VAPB: variants seen among roughly 807,000 people sequenced by gnomAD.
The protein encoded by VAPB is vesicle-associated membrane protein-associated protein B/C.
A neutral mutation model predicts 25.6 loss-of-function variants in VAPB; 7 were observed. The ratio of observed to expected loss-of-function variants is 0.27; its 90% CI spans 0.16 to 0.51. VAPB has a LOEUF of 0.51. VAPB is among the 20% of genes least tolerant of loss of function. The pLI, the probability that VAPB is intolerant of heterozygous loss-of-function variation, is 0.97. For synonymous variants in VAPB, 112 were observed against 109.2 expected, an observed-to-expected ratio of 1.03 and a Z score of -0.16; for missense variants, 266 against 301.3, an observed-to-expected ratio of 0.88 and a Z score of 0.87.
chr20:58,409,132 G>A (rs1988310994), intron 1 of VAPB, among the ~76,000 whole-genome samples: 2 of 152,132 alleles, frequency 1.3e-5, no homozygotes, highest in African/African-American at 2.4e-5. Context: ...ATATTATTGA[G>A]CATCTGTTCT....
In VAPB at chr20:58,449,067, C is replaced by T. The variant is rs1485129326; in HGVS notation, c.*4832C>T. On this transcript the variant is annotated 3_prime_UTR_variant, in exon 6 of 6. Coordinates refer to ENST00000475243, the MANE Select transcript of VAPB (RefSeq NM_004738.5). ...GCACTGCGGTTCTCCAGGATATCAG[C>T]AAAGAGGGCAAGTAATAGAAGCCCC... 2 of 454,008 alleles carry T rather than the reference C, an allele frequency of 4.4e-6. No individual in the cohort carries two copies. Among genetic ancestry groups the T allele is most frequent in the African/African-American group, 4.0e-5 (2 of 50,004 alleles). 28.1% of individuals were successfully genotyped at this position (454,008 alleles called of 1,614,324 possible). A position where few individuals can be genotyped will look rare whatever the true frequency, so the allele number is the denominator to read the frequency against.
Position 58,389,281 on chromosome 20 carries a change from G to A in VAPB, c.-179G>A, listed in dbSNP as rs1431331525. 2 of 717,452 alleles carry A rather than the reference G, an allele frequency of 2.8e-6. No individual in the cohort carries two copies. 44.4% of individuals were successfully genotyped at this position (717,452 alleles called of 1,614,324 possible). A position where few individuals can be genotyped will look rare whatever the true frequency, so the allele number is the denominator to read the frequency against. ...GGCCTCGCCCTCGCCCTCCGCCCCTGCGCCTGCACCGCGTAGACCGACCCC... is the reference window on the plus strand; with the variant it reads ...GGCCTCGCCCTCGCCCTCCGCCCCTACGCCTGCACCGCGTAGACCGACCCC... On this transcript the variant is annotated 5_prime_UTR_variant, in exon 1 of 6. Transcript: ENST00000475243.
intron 1 of VAPB, among the ~76,000 whole-genome samples, chr20:58,402,265 A>T (rs144730772): frequency 1.3e-5 from 2 of 152,090 alleles, no homozygotes; most frequent in African/African-American, 4.8e-5. Context: ...CTCCTTGGCC[A>T]TGGGGCTTTG....
At chr20:58,419,959 G>A (rs1316918335) in intron 2 of VAPB, among the ~76,000 whole-genome samples, 1 of 152,038 alleles carries the variant, frequency 6.6e-6, no homozygotes, top group Non-Finnish European at 1.5e-5. Context: ...ATATAAATAT[G>A]TATGGGTGGG....
At chr20:58,394,600 C>T (rs542932099) in intron 1 of VAPB, among the ~76,000 whole-genome samples, 1 of 152,328 alleles carries the variant, frequency 6.6e-6, no homozygotes, top group East Asian at 1.9e-4. Context: ...ATTAAACTTA[C>T]TAAACTTGAG....
At chr20:58,414,282 C>T (rs1235106649) in intron 1 of VAPB, among the ~76,000 whole-genome samples, 1 of 147,534 alleles carries the variant, frequency 6.8e-6, no homozygotes. Flanking sequence ...GCTGACCCCC[C>T]CACCTCCCTC....
intron 1 of VAPB, among the ~76,000 whole-genome samples, chr20:58,413,363 C>T (rs1193136386): frequency 6.6e-6 from 1 of 151,814 alleles, no homozygotes; most frequent in Non-Finnish European, 1.5e-5. Flanking sequence ...AACGAGCATG[C>T]TGCCTTCAAG....
In VAPB at chr20:58,448,653, C is replaced by G. The variant is rs774417253; in HGVS notation, c.*4418C>G. On this transcript the variant is annotated 3_prime_UTR_variant, in exon 6 of 6. Transcript: ENST00000475243. ...GCCTTCCTGCCTCAGCTACTCTGCC[C>G]GTCTGTACATCTTTTGTGTCTGCCT... The G allele has an allele frequency of 4.4e-6, 2 of 453,870 alleles. No homozygotes were observed. The highest frequency in any genetic ancestry group is 6.9e-5 in the East Asian group (1 of 14,400). The allele number at this position is 453,870 out of a possible 1,614,324, so 28.1% of individuals were successfully genotyped here. A position where few individuals can be genotyped will look rare whatever the true frequency, so the allele number is the denominator to read the frequency against.
intron 1 of VAPB, among the ~76,000 whole-genome samples, chr20:58,403,126 C>G (rs1467364014): frequency 6.6e-6 from 1 of 152,194 alleles, no homozygotes; most frequent in Non-Finnish European, 1.5e-5. Flanking sequence ...AGACACAGTG[C>G]ATTTTGCTCA....
In VAPB at chr20:58,408,969, A is replaced by G. The variant is rs1450681749; in HGVS notation, c.59-9242A>G. Among the ~76,000 whole-genome samples, 5 of 146,740 alleles carry G rather than the reference A, an allele frequency of 3.4e-5. No individual in the cohort carries two copies. The Admixed American group carries it at 3.4e-4, about 10-fold the overall frequency. On this transcript the variant is annotated intron_variant, in intron 1 of 5. Transcript: ENST00000475243. ...CAAAATATGTCCTATGCAGAAGATG[A>G]AAAGGGTGTAATGCTGGAACAGGAG...
intron 1 of VAPB, among the ~76,000 whole-genome samples, chr20:58,392,600 T>G (rs2123012358): frequency 6.6e-6 from 1 of 152,214 alleles, no homozygotes; most frequent in East Asian, 1.9e-4. Context: ...AATGGCACAT[T>G]TAACTGGTTT....
intron 2 of VAPB, among the ~76,000 whole-genome samples, chr20:58,429,951 A>G (rs528560502): frequency 3.5e-5 from 5 of 142,302 alleles, no homozygotes; most frequent in African/African-American, 1.0e-4. Flanking sequence ...ACAGGCACCT[A>G]TAGTCCTAGC....
chr20:58,436,013 G>A lies in VAPB; in HGVS notation c.315+1308G>A, dbSNP rs150354039. On this transcript the variant is annotated intron_variant, in intron 3 of 5. Transcript: ENST00000475243. ...GTTTTATTAACTCTGTTGAGGTTTT[G>A]ATCATTTGTAAAATAGGGATAAAAA... 4.0e-4 allele frequency among the ~76,000 whole-genome samples: 61 copies of A among 152,208 alleles called. No homozygotes were observed. In the East Asian group the frequency reaches 0.012, roughly 29 times the overall value.
intron 5 of VAPB, among the ~76,000 whole-genome samples, chr20:58,442,530 C>T (rs1195771546): frequency 6.6e-6 from 1 of 152,132 alleles, no homozygotes; most frequent in Non-Finnish European, 1.5e-5. Context: ...GCCCCATGAG[C>T]AGAATATCCT....
intron 1 of VAPB, among the ~76,000 whole-genome samples, chr20:58,406,055 T>C (rs1036392799): frequency 6.6e-6 from 1 of 152,094 alleles, no homozygotes; most frequent in Non-Finnish European, 1.5e-5. Context: ...TTTACTGAGA[T>C]GAGAAGCATT....
intron 1 of VAPB, among the ~76,000 whole-genome samples, chr20:58,405,739 A>G (rs1365811370): frequency 1.4e-3 from 99 of 69,036 alleles, no homozygotes; most frequent in East Asian, 2.2e-3. Context: ...CCTGGCCAGG[A>G]GCCTTTTTTT....
intron 1 of VAPB, among the ~76,000 whole-genome samples, chr20:58,407,262 T>G (rs1235176143): frequency 6.6e-6 from 1 of 152,202 alleles, no homozygotes; most frequent in Non-Finnish European, 1.5e-5. Context: ...TTTGTCAGAA[T>G]TGTACACATG....
rs1044105978 is a variant in VAPB at position 58,448,130 on chromosome 20, G to A, written c.*3895G>A. The A allele has an allele frequency of 2.2e-6, 1 of 453,922 alleles. No homozygotes were observed. Among genetic ancestry groups the A allele is most frequent in the Non-Finnish European group, 4.4e-6 (1 of 226,788 alleles). 28.1% of individuals were successfully genotyped at this position (453,922 alleles called of 1,614,324 possible). A position where few individuals can be genotyped will look rare whatever the true frequency, so the allele number is the denominator to read the frequency against. On this transcript the variant is annotated 3_prime_UTR_variant, in exon 6 of 6. Transcript: ENST00000475243. ...GGCCATGTTTGCTGTTGTTGAGAAGGAGTGTTCTCAAAGATGAGCTGGAAT... is the reference window on the plus strand; with the variant it reads ...GGCCATGTTTGCTGTTGTTGAGAAGAAGTGTTCTCAAAGATGAGCTGGAAT...
intron 1 of VAPB, among the ~76,000 whole-genome samples, chr20:58,400,487 T>A (rs1048710760): frequency 6.6e-6 from 1 of 152,238 alleles, no homozygotes; most frequent in East Asian, 1.9e-4. Context: ...CTGATCCAGT[T>A]TTTTCTATAT....
Sources: allele counts gnomAD v4.1 joint callset (sites outside exome capture counted in the v4.1 genomes callset), GRCh38; gene constraint gnomAD v4.1.1; transcripts MANE v1.5; gene names NCBI Gene and HGNC (gene_info 2026-07-23, HGNC 2026-07-21).